Variants in BRD3 observed in about 807,000 individuals in gnomAD.
BRD3 encodes bromodomain containing 3.
A neutral mutation model predicts 66.8 loss-of-function variants in BRD3; 17 were observed. The ratio of observed to expected loss-of-function variants is 0.25; its 90% CI spans 0.17 to 0.38. The LOEUF is 0.38. BRD3 is among the 10% of genes least tolerant of loss of function. The pLI, the probability that BRD3 is intolerant of heterozygous loss-of-function variation, is 1.00. For synonymous variants in BRD3, 421 were observed against 393.2 expected (o/e 1.07, Z -0.84); for missense variants, 713 against 956.1 (o/e 0.75, Z 3.35).
At chr9:134,044,763 G>A (rs965835951) in intron 7 of BRD3, among the ~76,000 whole-genome samples, 2 of 152,120 alleles carry the variant, frequency 1.3e-5, no homozygotes, top group Non-Finnish European at 2.9e-5. Flanking sequence ...AAGTCCCTGC[G>A]CTGAGAGCTA....
intron 2 of BRD3, among the ~76,000 whole-genome samples, chr9:134,052,756 G>A (rs952052413): frequency 6.6e-6 from 1 of 152,194 alleles, no homozygotes; most frequent in African/African-American, 2.4e-5. Context: ...GGTGACCAGG[G>A]CCCAGCAGAG....
chr9:134,045,389 T>G lies in BRD3; in HGVS notation c.1119A>C (p.Ala373=). The G allele has an allele frequency of 6.2e-6, 10 of 1,613,638 alleles. No individual in the cohort carries two copies. Among genetic ancestry groups the G allele is most frequent in the Non-Finnish European group, 8.5e-6 (10 of 1,179,996 alleles). ...GCCGGACATCAGCAGCAAAGCCCTG[T>G]GCGTCTGGGTACTCTCGGCCATCCA... is the stretch of plus-strand genomic sequence containing the variant. The part of the protein sequence containing the change: ...RKMDGREYPD[A]QGFAADVRLM... Residue 373 remains alanine (A), a synonymous_variant, in exon 7 of 12, where the codon GCA becomes GCC. Coordinates refer to ENST00000303407, the MANE Select transcript of BRD3 (RefSeq NM_007371.4). This position sits in a 1 kb window ranked among gnomAD's most constrained non-coding sequence, Gnocchi z 4.8.
At chr9:134,063,517 G>A (rs961167786) in intron 1 of BRD3, among the ~76,000 whole-genome samples, 16 of 152,354 alleles carry the variant, frequency 1.1e-4, no homozygotes, top group Admixed American at 9.8e-4. Context: ...CCTCTCAGCC[G>A]CTTATAGTAG....
intron 1 of BRD3, chr9:134,055,813 G>C (rs1830410137): frequency 6.5e-6 from 1 of 152,804 alleles, no homozygotes. Flanking sequence ...ACAAAGGAAG[G>C]CTCCCAGGCT....
intron 2 of BRD3, 42 bp downstream of exon 2, chr9:134,053,223 C>T (rs1270959896): frequency 1.2e-6 from 2 of 1,603,106 alleles, no homozygotes; most frequent in Non-Finnish European, 1.7e-6. Flanking sequence ...CAGAGGACGG[C>T]AGCAGCAGAA....
At position 134,033,523 on chromosome 9, in the gene BRD3, C is replaced by T; in HGVS notation, c.*67G>A. On this transcript the variant is annotated 3_prime_UTR_variant, in exon 12 of 12. Coordinates refer to ENST00000303407, the MANE Select transcript of BRD3 (RefSeq NM_007371.4). The surrounding 1 kb of genome is among the most constrained non-coding windows in gnomAD (Gnocchi z 5.1). ...ATGGAACAGAAGTAGTAATATGAAC[C>T]ACAGAGGGGTACGGCAGAGTCTCGG... 1 of 680,090 alleles carries T rather than the reference C, an allele frequency of 1.5e-6. No individual in the cohort carries two copies. The highest frequency in any genetic ancestry group is 2.8e-6 in the Non-Finnish European group (1 of 360,178). The allele number at this position is 680,090 out of a possible 1,614,324, so 42.1% of individuals were successfully genotyped here.
rs989345984 is a variant in BRD3, at chr9:134,031,950, C to T, written c.*1640G>A. The T allele has an allele frequency of 5.5e-5, 12 of 217,042 alleles. No homozygotes were observed. The highest frequency in any genetic ancestry group is 1.0e-4 in the Non-Finnish European group (11 of 107,724). 13.4% of individuals were successfully genotyped at this position (217,042 alleles called of 1,614,324 possible). ...GAGCAGGGAGCACCGTGCGAGTCTC[C>T]GGGAGGGAATCCTCCTGGGGCCCAG... is the stretch of plus-strand genomic sequence containing the variant. On this transcript the variant is annotated 3_prime_UTR_variant, in exon 12 of 12. Transcript: ENST00000303407.
chr9:134,065,065 C>T (rs1439001248), intron 1 of BRD3, among the ~76,000 whole-genome samples: 1 of 152,220 alleles, frequency 6.6e-6, no homozygotes, highest in African/African-American at 2.4e-5. Flanking sequence ...CGGCAAGAAG[C>T]CTTGCATTCT....
chr9:134,064,330 C>A (rs1830602002), intron 1 of BRD3, among the ~76,000 whole-genome samples: 1 of 151,952 alleles, frequency 6.6e-6, no homozygotes, highest in African/African-American at 2.4e-5. Context: ...GAGTTCAAGA[C>A]CAGCCCGGCC....
chr9:134,053,059 C>T (rs992526926), intron 2 of BRD3, among the ~76,000 whole-genome samples: 2 of 152,234 alleles, frequency 1.3e-5, no homozygotes, highest in South Asian at 2.1e-4. Flanking sequence ...CTATTTCCTG[C>T]ACCTGGGGCA....
intron 6 of BRD3, among the ~76,000 whole-genome samples, chr9:134,046,556 C>A (rs981573282): frequency 3.3e-5 from 5 of 152,186 alleles, no homozygotes; most frequent in African/African-American, 1.2e-4. Flanking sequence ...CAGAAAGAAC[C>A]CGGGGGCACA....
intron 7 of BRD3, 86 bp from the exon 8 acceptor site, chr9:134,042,037 C>A: frequency 7.3e-7 from 1 of 1,376,996 alleles, no homozygotes; most frequent in Non-Finnish European, 9.6e-7. Flanking sequence ...CTGAGGTGCC[C>A]CTGAGGCAGC....
At chr9:134,064,984 C>T (rs993196415) in intron 1 of BRD3, among the ~76,000 whole-genome samples, 1 of 152,266 alleles carries the variant, frequency 6.6e-6, no homozygotes, top group African/African-American at 2.4e-5. Flanking sequence ...ATCTCTTCTG[C>T]TCCAACAAGG....
At chr9:134,048,010 G>A (rs552621007) in intron 6 of BRD3, 73 bp downstream of exon 6, 43 of 1,452,612 alleles carry the variant, frequency 3.0e-5, no homozygotes, top group East Asian at 2.5e-4. Context: ...CCACTCAGCC[G>A]GCACAAGACA....
chr9:134,066,627 A>G (rs1305459054), intron 1 of BRD3, among the ~76,000 whole-genome samples: 1 of 152,074 alleles, frequency 6.6e-6, no homozygotes, highest in Non-Finnish European at 1.5e-5. Flanking sequence ...AGAGCAGGGT[A>G]AAAAGAAAAC....
intron 1 of BRD3, chr9:134,058,379 T>C (rs1003686466): frequency 3.9e-5 from 6 of 152,280 alleles, no homozygotes; most frequent in African/African-American, 1.2e-4. Flanking sequence ...AGAGGTAACA[T>C]TGGGAGTGTG....
rs113517626 is a variant in BRD3 at position 134,062,173 on chromosome 9, C to G, written c.-114+5772G>C. On this transcript the variant is annotated intron_variant, in intron 1 of 11. Coordinates refer to ENST00000303407, the MANE Select transcript of BRD3 (RefSeq NM_007371.4). Reference sequence around the variant, plus strand: ...GCATCGTGGGCCCCACCCAAGCAGGCACGGCCAGCCCTGGCGCCTACTCCC... The same window carrying G: ...GCATCGTGGGCCCCACCCAAGCAGGGACGGCCAGCCCTGGCGCCTACTCCC... Among the ~76,000 whole-genome samples the G allele has an allele frequency of 2.8e-3, 424 of 152,270 alleles. 1 individual carries two copies. Among genetic ancestry groups the G allele is most frequent in the African/African-American group, 9.6e-3 (400 of 41,554 alleles).
chr9:134,031,048 A>G lies in BRD3; in HGVS notation c.*2542T>C, dbSNP rs1235467583. On this transcript the variant is annotated 3_prime_UTR_variant, in exon 12 of 12. Coordinates refer to ENST00000303407, the MANE Select transcript of BRD3 (RefSeq NM_007371.4). The stretch of plus-strand genomic sequence containing the variant: ...GCTGAGGAAGTCATTAATCCTTCGA[A>G]ACTCTGAAAAGAAACCAGTGTTGAA... The G allele has an allele frequency of 4.3e-6, 1 of 230,566 alleles. No individual in the cohort carries two copies. Among genetic ancestry groups the G allele is most frequent in the Admixed American group, 5.7e-5 (1 of 17,686 alleles). The allele number at this position is 230,566 out of a possible 1,614,324, so 14.3% of individuals were successfully genotyped here.
At chr9:134,055,559 T>C (rs1564558143) in intron 1 of BRD3, among the ~76,000 whole-genome samples, 1 of 151,664 alleles carries the variant, frequency 6.6e-6, no homozygotes, top group East Asian at 1.9e-4. Flanking sequence ...GGTGGAGGAG[T>C]CAGGCACAGA....
Sources: gnomAD v4.1 joint callset for allele counts (sites outside exome capture counted in the v4.1 genomes callset) on GRCh38, gnomAD v4.1.1 for gene constraint, Gnocchi (gnomAD v3.1) non-coding constraint, MANE v1.5 for transcripts, NCBI Gene and HGNC (gene_info 2026-07-23, HGNC 2026-07-21) for gene names.